Variants in MAP7 observed in about 807,000 individuals in gnomAD.
MAP7 encodes ensconsin.
Under a neutral mutation model 94.8 loss-of-function variants are expected in MAP7, and 52 were observed. The observed-to-expected ratio is 0.55, with a 90% confidence interval of 0.44 to 0.69. The LOEUF (loss-of-function observed/expected upper bound fraction) is 0.69, where lower values mean the gene tolerates loss of function less well. MAP7 is among the 30% of genes least tolerant of loss of function. The probability of loss-of-function intolerance (pLI) is 0.00; values close to 1 mark genes in which losing one functional copy is unlikely to be tolerated. For missense variants in MAP7, 940 were observed against 964.6 expected, an observed-to-expected ratio of 0.97 and a Z score of 0.34; for synonymous variants, 350 against 357.0, an observed-to-expected ratio of 0.98 and a Z score of 0.22.
At position 136,531,198 on chromosome 6, in the gene MAP7, G is replaced by A. The variant is rs537445801; in HGVS notation, c.67+19144C>T. 6.9e-5 allele frequency among the ~76,000 whole-genome samples: 10 copies of A among 144,708 alleles called. 1 individual carries two copies. Among genetic ancestry groups the A allele is most frequent in the Non-Finnish European group, 1.2e-4 (8 of 67,950 alleles). The allele number at this position is 144,708 out of a possible 152,430, so 94.9% of individuals were successfully genotyped here. A position where few individuals can be genotyped will look rare whatever the true frequency, so the allele number is the denominator to read the frequency against. On this transcript the variant is annotated intron_variant, in intron 1 of 17. Coordinates refer to ENST00000354570, the MANE Select transcript of MAP7 (RefSeq NM_003980.6). ...GATAAAAGTTAAATGTGCAAAGACT[G>A]TCCTCTCTTCTCACGATAATTAGGC...
chr6:136,398,687 C>T (rs1390576989), intron 3 of MAP7, among the ~76,000 whole-genome samples: 1 of 152,208 alleles, frequency 6.6e-6, no homozygotes, highest in Non-Finnish European at 1.5e-5. Flanking sequence ...TTGCCCTTTG[C>T]CTCCTGCTAC....
At chr6:136,537,484 T>C (rs1412094155) in intron 1 of MAP7, among the ~76,000 whole-genome samples, 2 of 152,242 alleles carry the variant, frequency 1.3e-5, no homozygotes, top group African/African-American at 2.4e-5. Context: ...ATACAGTCAC[T>C]GCACAAAGCA....
At chr6:136,350,752 A>C (rs1181878256) in intron 16 of MAP7, among the ~76,000 whole-genome samples, 1 of 152,152 alleles carries the variant, frequency 6.6e-6, no homozygotes, top group Non-Finnish European at 1.5e-5. Context: ...CCAGCTACTC[A>C]GGAGGCTGGG....
chr6:136,534,553 C>T (rs1034348201), intron 1 of MAP7, among the ~76,000 whole-genome samples: 30 of 152,178 alleles, frequency 2.0e-4, no homozygotes, highest in Admixed American at 1.3e-4. Flanking sequence ...CAACATGCTG[C>T]GAACGAAAGC....
chr6:136,408,164 G>C (rs978551974), intron 3 of MAP7, among the ~76,000 whole-genome samples: 1 of 152,130 alleles, frequency 6.6e-6, no homozygotes, highest in Non-Finnish European at 1.5e-5. Flanking sequence ...AGTCAAGAGA[G>C]AGAGTTTGAG....
intron 1 of MAP7, chr6:136,526,718 G>A: frequency 1.0e-6 from 1 of 975,458 alleles, no homozygotes; most frequent in Non-Finnish European, 1.2e-6. Flanking sequence ...TATGGAGACA[G>A]AAGCCTGAGG....
chr6:136,362,693 G>A lies in MAP7; in HGVS notation c.1283C>T (p.Ala428Val). 1 of 1,590,004 alleles carries A rather than the reference G, an allele frequency of 6.3e-7. No individual in the cohort carries two copies. ...AEPEVGPAAP[A>V]MAPAPASAPA... is the part of the protein sequence containing the mutation. ...GGCCGAGGCTGGAGCTGGGGCCATG[G>A]CTGGAGCAGCTGCACAAATAGGTAC... is the stretch of plus-strand genomic sequence containing the variant. Residue 428 changes from alanine (A) to valine (V), a missense_variant, in exon 11 of 18, where the codon GCC becomes GTC. Ala to Val is a moderately conservative substitution (Grantham distance 64). Coordinates refer to ENST00000354570, the MANE Select transcript of MAP7 (RefSeq NM_003980.6).
intron 1 of MAP7, among the ~76,000 whole-genome samples, chr6:136,546,303 G>A (rs1031436114): frequency 1.3e-5 from 2 of 150,336 alleles, no homozygotes; most frequent in African/African-American, 5.0e-5. Flanking sequence ...GTGAGCTACT[G>A]CCTCTGGCCT....
At chr6:136,548,134 CTGAT>C (rs1352866078) in intron 1 of MAP7, among the ~76,000 whole-genome samples, 1 of 128,034 alleles carries the variant, frequency 7.8e-6, no homozygotes, top group Non-Finnish European at 1.6e-5. Context: ...ATACAAACTT[CTGAT>C]TGTTTAAAAA....
chr6:136,487,155 T>C lies in MAP7; in HGVS notation c.67+63187A>G, dbSNP rs567667856. ...GGTGGGGAGAGGTGGAAAAGTATGTTTGAATCCTTAATGAAGAAATCCTAA... is the reference window on the plus strand; with the variant it reads ...GGTGGGGAGAGGTGGAAAAGTATGTCTGAATCCTTAATGAAGAAATCCTAA... On this transcript the variant is annotated intron_variant, in intron 1 of 17. Transcript: ENST00000354570. Among the ~76,000 whole-genome samples, 3 of 152,332 alleles carry C rather than the reference T, an allele frequency of 2.0e-5. No individual in the cohort carries two copies. The South Asian group carries it at 6.2e-4, about 32-fold the overall frequency.
intron 1 of MAP7, among the ~76,000 whole-genome samples, chr6:136,541,607 G>A (rs1011068909): frequency 6.6e-6 from 1 of 152,074 alleles, no homozygotes; most frequent in Admixed American, 6.6e-5. Flanking sequence ...TTTATACCCC[G>A]TGCTCCTCTG....
intron 3 of MAP7, among the ~76,000 whole-genome samples, chr6:136,399,650 G>C (rs759991214): frequency 1.3e-5 from 2 of 152,036 alleles, no homozygotes; most frequent in Non-Finnish European, 2.9e-5. Flanking sequence ...CACTGTGCCT[G>C]GTCCAGTTTC....
intron 1 of MAP7, among the ~76,000 whole-genome samples, chr6:136,508,600 C>T (rs185945826): frequency 3.3e-5 from 5 of 152,304 alleles, no homozygotes; most frequent in Non-Finnish European, 7.3e-5. Flanking sequence ...TGCTTCTCTT[C>T]AGTCAACTTC....
At chr6:136,459,827 C>A (rs1383357948) in intron 1 of MAP7, among the ~76,000 whole-genome samples, 1 of 152,052 alleles carries the variant, frequency 6.6e-6, no homozygotes, top group South Asian at 2.1e-4. Context: ...ATAGGATGTA[C>A]AACATGATGC....
chr6:136,368,830 A>G (rs1450201215), intron 8 of MAP7, among the ~76,000 whole-genome samples: 2 of 152,218 alleles, frequency 1.3e-5, no homozygotes, highest in Admixed American at 1.3e-4. Context: ...ACTACTACCA[A>G]AAGGGATCCA....
rs149189937 is a variant in MAP7 at position 136,498,591 on chromosome 6, G to C, written c.67+51751C>G. ...TATCTGTGCAGAGGAAATGGATTGA[G>C]AATGTTTGGTGGTTAGAGGGAGATG... On this transcript the variant is annotated intron_variant, in intron 1 of 17. Coordinates refer to ENST00000354570, the MANE Select transcript of MAP7 (RefSeq NM_003980.6). 4.5e-4 allele frequency among the ~76,000 whole-genome samples: 68 copies of C among 152,150 alleles called. 1 individual carries two copies. In the East Asian group the frequency reaches 0.013, roughly 29 times the overall value.
At chr6:136,362,351 C>CT (rs1453138738) in intron 11 of MAP7, 99 bp downstream of exon 11, 91 of 1,426,132 alleles carry the variant, frequency 6.4e-5, no homozygotes, top group Non-Finnish European at 9.6e-6. Flanking sequence ...CTAATCCATT[C>CT]ACTTTCATCA....
At chr6:136,417,910 G>A (rs976107219) in intron 2 of MAP7, among the ~76,000 whole-genome samples, 47 of 152,344 alleles carry the variant, frequency 3.1e-4, no homozygotes, top group African/African-American at 1.1e-3. Flanking sequence ...GCAGCAAAGG[G>A]ATAGGAATTC....
chr6:136,436,113 G>C (rs950657212), intron 1 of MAP7, among the ~76,000 whole-genome samples: 1 of 152,120 alleles, frequency 6.6e-6, no homozygotes, highest in Non-Finnish European at 1.5e-5. Flanking sequence ...ATAGGCATAA[G>C]GAAAGGATCA....
Sources: gnomAD v4.1 joint callset for allele counts (sites outside exome capture counted in the v4.1 genomes callset) on GRCh38, gnomAD v4.1.1 for gene constraint, MANE v1.5 for transcripts, NCBI Gene and HGNC (gene_info 2026-07-23, HGNC 2026-07-21) for gene names.